The following RPL5 variants were observed in gnomAD, a reference collection of about 807,000 sequenced individuals.
RPL5 encodes ribosomal protein L5.
A neutral mutation model predicts 38.4 loss-of-function variants in RPL5; 1 was observed. The observed-to-expected ratio is 0.03, with a 90% CI of 0.01 to 0.12. RPL5 has a LOEUF of 0.12. Ranked by LOEUF, RPL5 falls within the 10% of genes least tolerant of loss-of-function variation. RPL5 has a pLI of 1.00. For missense variants in RPL5, 243 were observed against 374.1 expected (o/e 0.65, Z 2.89); for synonymous variants, 109 against 121.2 (o/e 0.90, Z 0.66).
Position 92,833,745 on chromosome 1 carries a change from AG to A in RPL5, c.189+88del. On this transcript the variant is annotated intron_variant, in intron 3 of 7. Transcript: ENST00000370321. ...CAAAGCACATGGTGTGTGTGTTAGAAGGGCTGTCTAGCACCTCCAAAAGCAT... is the reference window on the plus strand; with the variant it reads ...CAAAGCACATGGTGTGTGTGTTAGAAGGCTGTCTAGCACCTCCAAAAGCAT... 4 of 1,058,676 alleles carry A rather than the reference AG, an allele frequency of 3.8e-6. No homozygotes were observed. In the South Asian group the frequency reaches 5.1e-5, roughly 14 times the overall value. 65.6% of individuals were successfully genotyped at this position (1,058,676 alleles called of 1,614,324 possible).
At chr1:92,836,115 T>C in intron 4 of RPL5, 75 bp from the exon 5 acceptor site, 1 of 1,377,412 alleles carries the variant, frequency 7.3e-7, no homozygotes, top group Non-Finnish European at 1.0e-6. Flanking sequence ...GTCCTTACGG[T>C]TATGACATAA....
intron 4 of RPL5, 171 bp downstream of exon 4, chr1:92,835,084 A>C: frequency 1.1e-6 from 1 of 906,712 alleles, no homozygotes; most frequent in Non-Finnish European, 1.7e-6. Flanking sequence ...TTCCAATAAA[A>C]TTTTCTGCAA....
At chr1:92,832,402 G>A (rs1686945368) in intron 1 of RPL5, among the ~76,000 whole-genome samples, 1 of 152,208 alleles carries the variant, frequency 6.6e-6, no homozygotes, top group Admixed American at 6.5e-5. Flanking sequence ...CTGCCGTCTA[G>A]TGTGAGGGGG....
intron 3 of RPL5, 88 bp downstream of exon 3, chr1:92,833,748 G>A: frequency 1.9e-6 from 2 of 1,032,534 alleles, no homozygotes; most frequent in Non-Finnish European, 3.0e-6. Context: ...TGTTAGAAGG[G>A]CTGTCTAGCA....
chr1:92,833,495 C>T (rs758256418), intron 2 of RPL5, 37 bp downstream of exon 2: 1 of 1,611,504 alleles, frequency 6.2e-7, no homozygotes, highest in Non-Finnish European at 8.5e-7. Flanking sequence ...TATTAATCTG[C>T]TTTGCAGATG....
Position 92,833,668 on chromosome 1 carries a change from G to T in RPL5, c.189+8G>T. On this transcript the variant is annotated splice_region_variant and intron_variant, in intron 3 of 7. Transcript: ENST00000370321. The stretch of plus-strand genomic sequence containing the variant: ...AGAGATATCATTTGTCAGGTAAGTT[G>T]TATTCTAGACAGTCCCCTTTTTTTA... The T allele has an allele frequency of 6.2e-7, 1 of 1,601,692 alleles. No homozygotes were observed. The highest frequency in any genetic ancestry group is 8.5e-7 in the Non-Finnish European group (1 of 1,170,570).
chr1:92,836,064 G>A, intron 4 of RPL5, 126 bp from the exon 5 acceptor site: 1 of 815,910 alleles, frequency 1.2e-6, no homozygotes, highest in South Asian at 1.4e-5. Context: ...TCTGGTGAAA[G>A]GGTGGGTGTG....
intron 4 of RPL5, among the ~76,000 whole-genome samples, chr1:92,835,976 A>G (rs1463331742): frequency 6.6e-6 from 1 of 152,224 alleles, no homozygotes; most frequent in African/African-American, 2.4e-5. Context: ...AAAGTCATAA[A>G]ACAAAATTGT....
intron 1 of RPL5, 140 bp downstream of exon 1, chr1:92,832,257 G>T: frequency 1.4e-5 from 19 of 1,379,330 alleles, no homozygotes; most frequent in Non-Finnish European, 1.7e-5. Flanking sequence ...TCGAGGTGCA[G>T]TTCCCAGCGT....
intron 1 of RPL5, chr1:92,833,052 G>A (rs1391988492): frequency 1.4e-6 from 1 of 733,660 alleles, no homozygotes; most frequent in Non-Finnish European, 2.5e-6. Flanking sequence ...AAACAAATAT[G>A]GAAATTGAAA....
At chr1:92,832,320 A>G in intron 1 of RPL5, 1 of 776,816 alleles carries the variant, frequency 1.3e-6, no homozygotes, top group East Asian at 2.7e-5. Flanking sequence ...GGGTTGGCGA[A>G]GAAGGGTTGC....
chr1:92,832,802 T>C, intron 1 of RPL5: 1 of 571,316 alleles, frequency 1.8e-6, no homozygotes, highest in Non-Finnish European at 3.1e-6. Flanking sequence ...AACAGTGCTG[T>C]TTTAGTGGGG....
At chr1:92,840,747 A>T in intron 7 of RPL5, 108 bp downstream of exon 7, 1 of 851,420 alleles carries the variant, frequency 1.2e-6, no homozygotes, top group Non-Finnish European at 2.0e-6. Context: ...GCTCTGCGTG[A>T]TGTGGCAGAA....
At position 92,836,888 on chromosome 1, in the gene RPL5, A is replaced by T. The variant is rs1450236864; in HGVS notation, c.527+496A>T. The T allele has an allele frequency of 1.4e-5, 3 of 208,590 alleles. No homozygotes were observed. The East Asian group carries it at 3.7e-4, about 25-fold the overall frequency. The allele number at this position is 208,590 out of a possible 1,614,324, so 12.9% of individuals were successfully genotyped here. A position where few individuals can be genotyped will look rare whatever the true frequency, so the allele number is the denominator to read the frequency against. ...GTTAATTTGTAGTTCCATTGGTTTAATGATATTTTTTGTTGTTGAGTCTGT... is the reference window on the plus strand; with the variant it reads ...GTTAATTTGTAGTTCCATTGGTTTATTGATATTTTTTGTTGTTGAGTCTGT... On this transcript the variant is annotated intron_variant, in intron 5 of 7. Coordinates refer to ENST00000370321, the MANE Select transcript of RPL5 (RefSeq NM_000969.5).
intron 5 of RPL5, chr1:92,836,669 C>T: frequency 2.4e-6 from 1 of 410,358 alleles, no homozygotes; most frequent in Non-Finnish European, 4.5e-6. Context: ...TGACTTAATT[C>T]TTATTAGAAA....
At position 92,835,026 on chromosome 1, in the gene RPL5, T is replaced by C. The variant is rs1687063019; in HGVS notation, c.324+113T>C. On this transcript the variant is annotated intron_variant, in intron 4 of 7. Transcript: ENST00000370321. Reference sequence around the variant, plus strand: ...CTTAAGTTGTGCTTCAGGAGAGTGCTTGCTTCCAGTTTTCTGCTTTGTTAA... The same window carrying C: ...CTTAAGTTGTGCTTCAGGAGAGTGCCTGCTTCCAGTTTTCTGCTTTGTTAA... The C allele has an allele frequency of 6.1e-6, 9 of 1,470,042 alleles. No individual in the cohort carries two copies. In the South Asian group the frequency reaches 1.0e-4, roughly 17 times the overall value. 91.1% of individuals were successfully genotyped at this position (1,470,042 alleles called of 1,614,324 possible). A position where few individuals can be genotyped will look rare whatever the true frequency, so the allele number is the denominator to read the frequency against.
chr1:92,839,960 CCT>C (rs1215779794), intron 6 of RPL5, among the ~76,000 whole-genome samples: 1 of 151,614 alleles, frequency 6.6e-6, no homozygotes, highest in Non-Finnish European at 1.5e-5. Flanking sequence ...CCCACCTCAG[CCT>C]CTCGAGGTAG....
chr1:92,834,977 G>T, intron 4 of RPL5, 64 bp downstream of exon 4: 1 of 1,596,504 alleles, frequency 6.3e-7, no homozygotes, highest in Non-Finnish European at 8.5e-7. Flanking sequence ...TTTTCTGCAA[G>T]ATGTTTGTAC....
At chr1:92,833,484 A>G (rs1281694954) in intron 2 of RPL5, 26 bp downstream of exon 2, 5 of 1,612,772 alleles carry the variant, frequency 3.1e-6, no homozygotes, top group Non-Finnish European at 3.4e-6. Flanking sequence ...TGTGTTTACA[A>G]TATTAATCTG....
Sources: allele counts gnomAD v4.1 joint callset (sites outside exome capture counted in the v4.1 genomes callset), GRCh38; gene constraint gnomAD v4.1.1; transcripts MANE v1.5; gene names NCBI Gene and HGNC (gene_info 2026-07-23, HGNC 2026-07-21).